Variants in NAALAD2 observed in about 807,000 individuals in gnomAD.
The protein encoded by NAALAD2 is N-acetylated-alpha-linked acidic dipeptidase 2.
In NAALAD2, 89 loss-of-function variants were observed where a neutral mutation model predicts 95.6. The observed-to-expected ratio is 0.93, with a 90% CI of 0.78 to 1.11. The LOEUF is 1.11. NAALAD2 is among the 50% of genes least tolerant of loss of function. The pLI is 0.00. For synonymous variants in NAALAD2, 264 were observed against 294.4 expected (o/e 0.90, Z 1.06); for missense variants, 894 against 872.4 (o/e 1.02, Z -0.31).
Position 90,158,163 on chromosome 11 carries a change from A to G in NAALAD2, c.815A>G (p.Asp272Gly). 1 of 1,607,006 alleles carries G rather than the reference A, an allele frequency of 6.2e-7. No homozygotes were observed. The highest frequency in any genetic ancestry group is 8.5e-7 in the Non-Finnish European group (1 of 1,175,828). Reference protein sequence around the residue: ...YPAKEYTFRLDVEEGVGIPRI... With the variant: ...YPAKEYTFRLGVEEGVGIPRI... ...TTTTTAGAATACACTTTCAGACTTG[A>G]TGTTGAAGAAGGAGTGGGAATCCCC... Residue 272 changes from aspartate to glycine, a missense_variant, in exon 7 of 19, where the codon GAT becomes GGT. Coordinates refer to ENST00000534061, the MANE Select transcript of NAALAD2 (RefSeq NM_005467.4).
At chr11:90,163,889 A>G in intron 11 of NAALAD2, 1 of 467,878 alleles carries the variant, frequency 2.1e-6, no homozygotes, top group Admixed American at 3.9e-5. Flanking sequence ...AAAAATCAGT[A>G]AGCTCAGAAA....
intron 11 of NAALAD2, among the ~76,000 whole-genome samples, chr11:90,166,690 C>T (rs187785436): frequency 2.0e-5 from 3 of 152,084 alleles, no homozygotes; most frequent in Admixed American, 6.5e-5. Flanking sequence ...AAAAAATAAG[C>T]CAGGCGCAGT....
intron 17 of NAALAD2, 92 bp from the exon 18 acceptor site, chr11:90,182,824 T>C: frequency 1.2e-6 from 1 of 858,976 alleles, no homozygotes; most frequent in South Asian, 1.7e-5. Context: ...ATTTTAGAAA[T>C]ATATTTTCCC....
intron 2 of NAALAD2, among the ~76,000 whole-genome samples, chr11:90,145,439 A>G (rs950572003): frequency 1.3e-5 from 2 of 152,348 alleles, no homozygotes; most frequent in Non-Finnish European, 2.9e-5. Context: ...TGCAAGAATC[A>G]TATCTGCTCT....
At position 90,168,994 on chromosome 11, in the gene NAALAD2, T is replaced by C. The variant is rs754280308; in HGVS notation, c.1342+2T>C. ...TCAACTCGGATTCATCTATAGAAGG[T>C]AAATTTTATTTCAATTTGAAGTGAA... On this transcript the variant is annotated splice_donor_variant, in intron 12 of 18. Transcript: ENST00000534061. LOFTEE classifies it high-confidence loss of function. 6.3e-7 allele frequency: 1 copy of C among 1,586,044 alleles called. No homozygotes were observed. Among genetic ancestry groups the C allele is most frequent in the South Asian group, 1.2e-5 (1 of 85,264 alleles).
intron 8 of NAALAD2, among the ~76,000 whole-genome samples, chr11:90,159,596 T>C (rs1171139184): frequency 6.6e-6 from 1 of 152,182 alleles, no homozygotes; most frequent in Non-Finnish European, 1.5e-5. Context: ...CAAAATTCTC[T>C]CTTCAGCTAT....
intron 11 of NAALAD2, among the ~76,000 whole-genome samples, chr11:90,166,888 G>T (rs1331498359): frequency 6.6e-6 from 1 of 151,990 alleles, no homozygotes; most frequent in African/African-American, 2.4e-5. Context: ...GGTGGCTCAT[G>T]CCTGTAATCT....
intron 2 of NAALAD2, among the ~76,000 whole-genome samples, chr11:90,141,747 G>T (rs1399115658): frequency 6.6e-6 from 1 of 152,090 alleles, no homozygotes; most frequent in Non-Finnish European, 1.5e-5. Context: ...ACTGGACTTG[G>T]CTGGAAGGTG....
chr11:90,179,113 G>A (rs953258059), intron 16 of NAALAD2, among the ~76,000 whole-genome samples: 7 of 152,186 alleles, frequency 4.6e-5, no homozygotes, highest in Non-Finnish European at 8.8e-5. Context: ...GATCATTGTG[G>A]AGATTCAGTT....
At chr11:90,147,240 C>G in intron 2 of NAALAD2, 90 bp from the exon 3 acceptor site, 1 of 963,446 alleles carries the variant, frequency 1.0e-6, no homozygotes, top group Non-Finnish European at 1.6e-6. Context: ...ACTTAATGCC[C>G]AATGCATAAG....
rs574547408 is a variant in NAALAD2, at chr11:90,183,231, AAAG to A, written c.2033+226_2033+228del. Among the ~76,000 whole-genome samples the A allele has an allele frequency of 1.6e-3, 247 of 152,318 alleles. 2 individuals are homozygous for A. Among genetic ancestry groups the A allele is most frequent in the African/African-American group, 5.8e-3 (240 of 41,584 alleles). Reference sequence around the variant, plus strand: ...GGGAAAATGGTAAAGGCTAGTTAAAAAAGAACTCTTTCTAACAAAATCTTCAAA... The same window carrying A: ...GGGAAAATGGTAAAGGCTAGTTAAAAAACTCTTTCTAACAAAATCTTCAAA... On this transcript the variant is annotated intron_variant, in intron 18 of 18. Coordinates refer to ENST00000534061, the MANE Select transcript of NAALAD2 (RefSeq NM_005467.4).
intron 2 of NAALAD2, 47 bp downstream of exon 2, chr11:90,135,717 T>C (rs1340037498): frequency 6.7e-7 from 1 of 1,492,994 alleles, no homozygotes; most frequent in Non-Finnish European, 9.3e-7. Context: ...GTTTAAAATA[T>C]CACAGTGAGA....
At chr11:90,185,719 A>C (rs1196278117) in intron 18 of NAALAD2, among the ~76,000 whole-genome samples, 2 of 152,082 alleles carry the variant, frequency 1.3e-5, no homozygotes, top group East Asian at 3.8e-4. Flanking sequence ...CTCTTACTGA[A>C]TTTCAGATTA....
chr11:90,144,810 T>C (rs372723788), intron 2 of NAALAD2, among the ~76,000 whole-genome samples: 1 of 144,700 alleles, frequency 6.9e-6, no homozygotes, highest in Admixed American at 7.2e-5. Context: ...GCTGAAGATA[T>C]AAGCGAATAG....
chr11:90,191,324 T>C (rs934349596), intron 18 of NAALAD2, among the ~76,000 whole-genome samples: 1 of 149,824 alleles, frequency 6.7e-6, no homozygotes, highest in Admixed American at 6.6e-5. Flanking sequence ...TTCTTCCATC[T>C]GCTTTGGGTT....
At chr11:90,148,618 G>A (rs1281417792) in intron 3 of NAALAD2, among the ~76,000 whole-genome samples, 3 of 152,110 alleles carry the variant, frequency 2.0e-5, no homozygotes, top group Non-Finnish European at 4.4e-5. Flanking sequence ...GTCGCAGGGA[G>A]GGAGTACAGA....
At chr11:90,148,831 T>C (rs1425125315) in intron 3 of NAALAD2, among the ~76,000 whole-genome samples, 175 bp from the exon 4 acceptor site, 1 of 152,204 alleles carries the variant, frequency 6.6e-6, no homozygotes, top group Non-Finnish European at 1.5e-5. Flanking sequence ...GTTTCTATTG[T>C]TAGGAAGACA....
Position 90,182,993 on chromosome 11 carries a change from G to A in NAALAD2, c.2018G>A (p.Gly673Glu). The A allele has an allele frequency of 6.2e-7, 1 of 1,612,616 alleles. No individual in the cohort carries two copies. The highest frequency in any genetic ancestry group is 8.5e-7 in the Non-Finnish European group (1 of 1,178,894). Reference sequence around the variant, plus strand: ...TTCATCGATCCTCTTGGTTTACCAGGAAAGCTGTTCTATAGGTAAGGAAAC... The same window carrying A: ...TTCATCGATCCTCTTGGTTTACCAGAAAAGCTGTTCTATAGGTAAGGAAAC... ...RAFIDPLGLPGKLFYRHIIFA... is the reference protein window; with the variant it reads ...RAFIDPLGLPEKLFYRHIIFA... Residue 673 changes from glycine (G) to glutamate (E), a missense_variant, in exon 18 of 19, where the codon GGA becomes GAA. Transcript: ENST00000534061.
chr11:90,160,274 A>G (rs1317078963), intron 8 of NAALAD2, among the ~76,000 whole-genome samples: 2 of 152,224 alleles, frequency 1.3e-5, no homozygotes, highest in African/African-American at 4.8e-5. Flanking sequence ...CAGCTTGTAC[A>G]GAGTAGTTGA....
Sources: allele counts gnomAD v4.1 joint callset (sites outside exome capture counted in the v4.1 genomes callset), GRCh38; gene constraint gnomAD v4.1.1; transcripts MANE v1.5; gene names NCBI Gene and HGNC (gene_info 2026-07-23, HGNC 2026-07-21).